The following CHST11 variants were observed in gnomAD, a reference collection of about 807,000 sequenced individuals.
The protein encoded by CHST11 is carbohydrate sulfotransferase 11.
In CHST11, 9 loss-of-function variants were observed where a neutral mutation model predicts 30.4. That is an observed-to-expected ratio of 0.30 (90% confidence interval 0.18 to 0.52). The LOEUF (loss-of-function observed/expected upper bound fraction) is 0.52. CHST11 is among the 20% of genes least tolerant of loss of function. CHST11 has a pLI of 0.97. For synonymous variants in CHST11, 152 were observed against 187.8 expected, an observed-to-expected ratio of 0.81 and a Z score of 1.56; for missense variants, 348 against 460.6, an observed-to-expected ratio of 0.76 and a Z score of 2.24.
chr12:104,659,433 T>G (rs76409018), intron 2 of CHST11, among the ~76,000 whole-genome samples: 100 of 152,240 alleles, frequency 6.6e-4, no homozygotes, highest in African/African-American at 2.3e-3. Context: ...GCCCCGATCC[T>G]CCATCCCCAC....
Position 104,491,298 on chromosome 12 carries a change from G to A in CHST11, c.118+33769G>A, listed in dbSNP as rs143951565. 9.5e-3 allele frequency among the ~76,000 whole-genome samples: 1,451 copies of A among 152,170 alleles called. 23 individuals carry two copies. Among genetic ancestry groups the A allele is most frequent in the African/African-American group, 0.033 (1,383 of 41,498 alleles). The stretch of plus-strand genomic sequence containing the variant: ...GATCTGGAGTTTTCTGAGAGTGACC[G>A]GGGGTGGGATGGACAGGATAATTTA... On this transcript the variant is annotated intron_variant, in intron 1 of 2. Transcript: ENST00000303694.
At chr12:104,561,178 ATAGCAATGG>A (rs2038510248) in intron 1 of CHST11, among the ~76,000 whole-genome samples, 2 of 80,002 alleles carry the variant, frequency 2.5e-5, no homozygotes, top group Non-Finnish European at 4.8e-5. Context: ...TGGCAACCAG[ATAGCAATGG>A]CTTTCAGAAG....
At chr12:104,677,620 C>CACTAG (rs2136099901) in intron 2 of CHST11, among the ~76,000 whole-genome samples, 1 of 152,262 alleles carries the variant, frequency 6.6e-6, no homozygotes, top group South Asian at 2.1e-4. Context: ...TGGGAGAAAC[C>CACTAG]ACTAGGAATT....
chr12:104,710,732 C>T (rs1163070379), intron 2 of CHST11, among the ~76,000 whole-genome samples: 13 of 152,188 alleles, frequency 8.5e-5, no homozygotes, highest in Admixed American at 8.5e-4. Flanking sequence ...ATATTAGGCT[C>T]TTCAGTGATT....
rs1007459160 is a variant in CHST11 at position 104,713,274 on chromosome 12, G to T, written c.205-43675G>T. Among the ~76,000 whole-genome samples, 5 of 152,152 alleles carry T rather than the reference G, an allele frequency of 3.3e-5. No homozygotes were observed. In the South Asian group the frequency reaches 1.0e-3, roughly 32 times the overall value. On this transcript the variant is annotated intron_variant, in intron 2 of 2. Transcript: ENST00000303694. Reference sequence around the variant, plus strand: ...GATGTGGCTGGACTGCATTTATTCTGCTTGGGGATTTGACATGACATGACT... The same window carrying T: ...GATGTGGCTGGACTGCATTTATTCTTCTTGGGGATTTGACATGACATGACT...
chr12:104,524,314 C>G (rs537245961), intron 1 of CHST11, among the ~76,000 whole-genome samples: 43 of 152,250 alleles, frequency 2.8e-4, no homozygotes, highest in African/African-American at 9.1e-4. Flanking sequence ...TTGTTTGCCT[C>G]TCCTTGGGAA....
chr12:104,594,284 GA>G (rs1414687173), intron 1 of CHST11, among the ~76,000 whole-genome samples: 1 of 152,138 alleles, frequency 6.6e-6, no homozygotes, highest in Non-Finnish European at 1.5e-5. Context: ...GTGACCAGAC[GA>G]GGGCTAAGAA....
In CHST11 at chr12:104,582,850, C is replaced by G. The variant is rs1036129139; in HGVS notation, c.119-19056C>G. Among the ~76,000 whole-genome samples, 19 of 151,594 alleles carry G rather than the reference C, an allele frequency of 1.3e-4. No homozygotes were observed. In the South Asian group the frequency reaches 4.0e-3, roughly 32 times the overall value. On this transcript the variant is annotated intron_variant, in intron 1 of 2. Transcript: ENST00000303694. ...AACTCCAAATGTCTTCTGCTTGTACCTGTTTTCCTTCTCCCCAAGTCACCC... is the reference window on the plus strand; with the variant it reads ...AACTCCAAATGTCTTCTGCTTGTACGTGTTTTCCTTCTCCCCAAGTCACCC...
intron 2 of CHST11, among the ~76,000 whole-genome samples, chr12:104,623,519 T>A (rs2039181903): frequency 6.6e-6 from 1 of 152,172 alleles, no homozygotes; most frequent in Admixed American, 6.5e-5. Context: ...GAGACTAGCC[T>A]GACCAACATG....
intron 1 of CHST11, among the ~76,000 whole-genome samples, chr12:104,517,426 C>G (rs928476067): frequency 1.3e-5 from 2 of 152,170 alleles, no homozygotes; most frequent in Admixed American, 6.5e-5. Context: ...TCTGGAGAAC[C>G]AGGGGGTGGT....
At chr12:104,511,847 T>C (rs1473161102) in intron 1 of CHST11, among the ~76,000 whole-genome samples, 1 of 152,164 alleles carries the variant, frequency 6.6e-6, no homozygotes, top group East Asian at 1.9e-4. Flanking sequence ...CATCTCTGGG[T>C]ATCCATGGGG....
chr12:104,528,965 G>A (rs17035717), intron 1 of CHST11, among the ~76,000 whole-genome samples: 19,823 of 152,226 alleles, frequency 0.13, 1,352 homozygotes, highest in African/African-American at 0.15. Flanking sequence ...TAAACACACC[G>A]CTGGGCAAGT....
At position 104,558,461 on chromosome 12, in the gene CHST11, C is replaced by T. The variant is rs12581482; in HGVS notation, c.119-43445C>T. Among the ~76,000 whole-genome samples the T allele has an allele frequency of 0.016, 2,486 of 151,830 alleles. 134 individuals are homozygous for T. In the East Asian group the frequency reaches 0.17, roughly 10 times the overall value. On this transcript the variant is annotated intron_variant, in intron 1 of 2. Coordinates refer to ENST00000303694, the MANE Select transcript of CHST11 (RefSeq NM_018413.6). Reference sequence around the variant, plus strand: ...AAATTGGAGGCCCCCATTTCTGTACCCTCTCCGCCCCTCCCCTCCCAAAGT... The same window carrying T: ...AAATTGGAGGCCCCCATTTCTGTACTCTCTCCGCCCCTCCCCTCCCAAAGT...
rs1310583298 is a variant in CHST11 at position 104,760,067 on chromosome 12, G to A, written c.*2264G>A. ...GCAAGGACTTTTCAGCCTTCAATGT[G>A]TGCTGTGCATGGTGAATCCCCAAAA... On this transcript the variant is annotated 3_prime_UTR_variant, in exon 3 of 3. Transcript: ENST00000303694. The A allele has an allele frequency of 1.3e-5, 2 of 152,114 alleles. No individual in the cohort carries two copies. Among genetic ancestry groups the A allele is most frequent in the African/African-American group, 4.8e-5 (2 of 41,412 alleles). 9.4% of individuals were successfully genotyped at this position (152,114 alleles called of 1,614,324 possible). A position where few individuals can be genotyped will look rare whatever the true frequency, so the allele number is the denominator to read the frequency against.
chr12:104,470,771 G>A (rs1217664248), intron 1 of CHST11, among the ~76,000 whole-genome samples: 6 of 152,220 alleles, frequency 3.9e-5, no homozygotes, highest in Admixed American at 3.9e-4. Flanking sequence ...GAAGGAGCCT[G>A]CCTAATCGGA....
rs2037358700 is a variant in CHST11, at chr12:104,457,236, C to T, written c.-176C>T. The T allele has an allele frequency of 6.9e-6, 4 of 579,630 alleles. No homozygotes were observed. The highest frequency in any genetic ancestry group is 2.8e-5 in the East Asian group (1 of 35,310). 35.9% of individuals were successfully genotyped at this position (579,630 alleles called of 1,614,324 possible). A position where few individuals can be genotyped will look rare whatever the true frequency, so the allele number is the denominator to read the frequency against. On this transcript the variant is annotated 5_prime_UTR_variant, in exon 1 of 3. Coordinates refer to ENST00000303694, the MANE Select transcript of CHST11 (RefSeq NM_018413.6). ...CAGACCAACTCCGGCACCTTCCACA[C>T]CCCTGCCCGGGCTGGGGGCTCCGAG...
intron 1 of CHST11, among the ~76,000 whole-genome samples, chr12:104,578,890 C>G (rs2038710957): frequency 1.3e-5 from 2 of 152,180 alleles, no homozygotes; most frequent in African/African-American, 4.8e-5. Context: ...ATGTTAGGCT[C>G]TTGTGACATG....
At chr12:104,741,166 A>G (rs1196282480) in intron 2 of CHST11, among the ~76,000 whole-genome samples, 3 of 152,220 alleles carry the variant, frequency 2.0e-5, no homozygotes, top group Non-Finnish European at 4.4e-5. Context: ...GACATTAACT[A>G]TGATCAGGAT....
chr12:104,738,235 C>T (rs2040317518), intron 2 of CHST11, among the ~76,000 whole-genome samples: 1 of 152,148 alleles, frequency 6.6e-6, no homozygotes, highest in African/African-American at 2.4e-5. Context: ...TGTGCAGGGA[C>T]AGCCATGGAG....
Sources: allele counts gnomAD v4.1 joint callset (sites outside exome capture counted in the v4.1 genomes callset), GRCh38; gene constraint gnomAD v4.1.1; transcripts MANE v1.5; gene names NCBI Gene and HGNC (gene_info 2026-07-23, HGNC 2026-07-21).